Variants in KCNMA1 observed in about 807,000 individuals in gnomAD.
KCNMA1 encodes potassium calcium-activated channel subfamily M alpha 1.
In KCNMA1, 29 loss-of-function variants were observed where a neutral mutation model predicts 140.0. That is an observed-to-expected ratio of 0.21 (90% confidence interval 0.15 to 0.28). The LOEUF (loss-of-function observed/expected upper bound fraction) is 0.28. Ranked by LOEUF, KCNMA1 falls within the 10% of genes least tolerant of loss-of-function variation. The probability of loss-of-function intolerance (pLI) is 1.00; values close to 1 mark genes in which losing one functional copy is unlikely to be tolerated. For synonymous variants in KCNMA1, 612 were observed against 611.9 expected, an observed-to-expected ratio of 1.00 and a Z score of 0.00; for missense variants, 880 against 1,602.2, an observed-to-expected ratio of 0.55 and a Z score of 7.70.
chr10:77,044,436 G>A (rs537548610), intron 14 of KCNMA1, among the ~76,000 whole-genome samples: 1 of 151,882 alleles, frequency 6.6e-6, no homozygotes, highest in Non-Finnish European at 1.5e-5. Context: ...GAAGTTTGAG[G>A]CTAGATATTT....
chr10:76,942,473 T>C (rs771341888), intron 23 of KCNMA1, among the ~76,000 whole-genome samples: 1 of 152,158 alleles, frequency 6.6e-6, no homozygotes, highest in Non-Finnish European at 1.5e-5. Flanking sequence ...TTTTTTTCTT[T>C]GGAGGAAAAA....
chr10:76,939,877 AG>A (rs980518257), intron 23 of KCNMA1: 2 of 152,230 alleles, frequency 1.3e-5, no homozygotes, highest in African/African-American at 4.8e-5. Context: ...TTTGAACCAC[AG>A]GGAAACAGTC....
chr10:77,324,512 C>T (rs986446040), intron 2 of KCNMA1, among the ~76,000 whole-genome samples: 6 of 150,520 alleles, frequency 4.0e-5, no homozygotes, highest in Admixed American at 2.7e-4. Flanking sequence ...CAAGCCCTGT[C>T]AATGCTAAAA....
intron 5 of KCNMA1, among the ~76,000 whole-genome samples, chr10:77,168,185 G>A (rs749277050): frequency 1.2e-4 from 19 of 152,280 alleles, no homozygotes; most frequent in African/African-American, 4.3e-4. Flanking sequence ...ATGTGAGTTC[G>A]AATTCTTGCT....
intron 1 of KCNMA1, among the ~76,000 whole-genome samples, chr10:77,608,080 A>T (rs2085213649): frequency 6.6e-6 from 1 of 152,070 alleles, no homozygotes; most frequent in South Asian, 2.1e-4. Context: ...TCCTTCCATG[A>T]AGCTTTGTTC....
chr10:77,324,971 C>CTCTGTGTGTG (rs766240356), intron 2 of KCNMA1, among the ~76,000 whole-genome samples: 6 of 90,448 alleles, frequency 6.6e-5, no homozygotes, highest in African/African-American at 2.3e-4. Flanking sequence ...CTCTCTCTCT[C>CTCTGTGTGTG]TGTGTGTGTG....
chr10:77,050,965 G>C (rs1167666146), intron 14 of KCNMA1, among the ~76,000 whole-genome samples: 1 of 152,204 alleles, frequency 6.6e-6, no homozygotes, highest in Non-Finnish European at 1.5e-5. Context: ...CAGGGGTCCA[G>C]ATTTATCTAC....
At chr10:76,991,485 T>G (rs1398885683) in intron 19 of KCNMA1, among the ~76,000 whole-genome samples, 1 of 152,234 alleles carries the variant, frequency 6.6e-6, no homozygotes, top group African/African-American at 2.4e-5. Context: ...CTTACTCTTC[T>G]TGTACATCCC....
chr10:77,217,334 A>C (rs867467898), intron 3 of KCNMA1: 10 of 300,200 alleles, frequency 3.3e-5, no homozygotes, highest in Admixed American at 8.5e-5. Flanking sequence ...ACAAAAAAAA[A>C]CTAAATTTTT....
intron 1 of KCNMA1, among the ~76,000 whole-genome samples, chr10:77,633,367 C>T (rs763337388): frequency 1.8e-4 from 27 of 152,012 alleles, no homozygotes; most frequent in Non-Finnish European, 3.1e-4. Flanking sequence ...ATGAGGAGCA[C>T]GAGCTCTCTG....
intron 19 of KCNMA1, 90 bp downstream of exon 19, chr10:77,001,317 C>G: frequency 8.2e-7 from 1 of 1,226,430 alleles, no homozygotes; most frequent in East Asian, 2.5e-5. Context: ...ATCAGCCCGA[C>G]TGACTCAGAA....
intron 1 of KCNMA1, among the ~76,000 whole-genome samples, chr10:77,548,884 A>T (rs1405415825): frequency 6.6e-6 from 1 of 152,204 alleles, no homozygotes; most frequent in Non-Finnish European, 1.5e-5. Flanking sequence ...GGCAATCAAG[A>T]TGGACAAATT....
chr10:77,636,610 C>T (rs757612407), intron 1 of KCNMA1: 3 of 1,536,156 alleles, frequency 2.0e-6, no homozygotes, highest in Admixed American at 2.0e-5. Context: ...TATGCGACCT[C>T]GACACATTCC....
chr10:77,626,484 G>C (rs1218282546), intron 1 of KCNMA1, among the ~76,000 whole-genome samples: 7 of 152,142 alleles, frequency 4.6e-5, no homozygotes, highest in African/African-American at 1.7e-4. Context: ...ACTTGGGTAA[G>C]GCCTTTCATC....
chr10:77,090,561 G>T, intron 9 of KCNMA1, 51 bp from the exon 10 acceptor site: 1 of 1,194,504 alleles, frequency 8.4e-7, no homozygotes, highest in Non-Finnish European at 1.3e-6. Flanking sequence ...ACAGGACCCT[G>T]CATCCCACCC....
intron 23 of KCNMA1, among the ~76,000 whole-genome samples, chr10:76,917,439 T>G (rs2053434511): frequency 6.6e-6 from 1 of 152,352 alleles, no homozygotes; most frequent in Non-Finnish European, 1.5e-5. Context: ...TATTTTATCT[T>G]ATTTAAAGAT....
At chr10:77,276,852 T>C (rs1244014543) in intron 2 of KCNMA1, among the ~76,000 whole-genome samples, 3 of 152,164 alleles carry the variant, frequency 2.0e-5, no homozygotes, top group Admixed American at 2.0e-4. Context: ...CCAGGCACTA[T>C]TCTAAATATT....
chr10:77,295,674 G>A (rs1422721796), intron 2 of KCNMA1, among the ~76,000 whole-genome samples: 5 of 149,658 alleles, frequency 3.3e-5, no homozygotes, highest in South Asian at 4.3e-4. Flanking sequence ...CCAGCTACTC[G>A]GGAGGCTGAG....
chr10:77,095,274 G>C (rs1225614604), intron 9 of KCNMA1, among the ~76,000 whole-genome samples: 1 of 152,184 alleles, frequency 6.6e-6, no homozygotes, highest in Non-Finnish European at 1.5e-5. Flanking sequence ...CTGATCTGAT[G>C]AAGTTTTTGG....
Sources: allele counts gnomAD v4.1 joint callset (sites outside exome capture counted in the v4.1 genomes callset), GRCh38; gene constraint gnomAD v4.1.1; transcripts MANE v1.5; gene names NCBI Gene and HGNC (gene_info 2026-07-23, HGNC 2026-07-21).